MAPK14: variants seen among roughly 807,000 people sequenced by gnomAD.
The protein encoded by MAPK14 is mitogen-activated protein kinase 14.
A neutral mutation model predicts 49.6 loss-of-function variants in MAPK14; 16 were observed. The ratio of observed to expected loss-of-function variants is 0.32; its 90% confidence interval spans 0.22 to 0.49. The LOEUF (loss-of-function observed/expected upper bound fraction) is 0.49. MAPK14 is among the 20% of genes least tolerant of loss of function. MAPK14 has a pLI of 0.99. For synonymous variants in MAPK14, 142 were observed against 158.0 expected, an observed-to-expected ratio of 0.90 and a Z score of 0.76; for missense variants, 200 against 441.2, an observed-to-expected ratio of 0.45 and a Z score of 4.90.
intron 1 of MAPK14, among the ~76,000 whole-genome samples, chr6:36,041,949 G>A (rs1364770386): frequency 6.6e-6 from 1 of 152,144 alleles, no homozygotes; most frequent in Non-Finnish European, 1.5e-5. Context: ...AGTTATAGTG[G>A]TCAGTATGGT....
intron 3 of MAPK14, among the ~76,000 whole-genome samples, chr6:36,060,359 A>T (rs552472653): frequency 6.6e-6 from 1 of 152,194 alleles, no homozygotes; most frequent in African/African-American, 2.4e-5. Flanking sequence ...TCTCTACTAT[A>T]GTAGCTTTTC....
rs1765869918 is a variant in MAPK14 at position 36,108,561 on chromosome 6, G to A, written c.*114G>A. On this transcript the variant is annotated 3_prime_UTR_variant, in exon 12 of 12. Transcript: ENST00000229794. ...TGTTGCAGAGATTTCCTCCATGGTG[G>A]AAGGGGGTGTGCGTGCGTGTGCGTG... is the stretch of plus-strand genomic sequence containing the variant. The A allele has an allele frequency of 4.6e-6, 4 of 870,936 alleles. No individual in the cohort carries two copies. Among genetic ancestry groups the A allele is most frequent in the Non-Finnish European group, 7.7e-6 (4 of 517,524 alleles). The allele number at this position is 870,936 out of a possible 1,614,324, so 54.0% of individuals were successfully genotyped here.
At chr6:36,048,921 G>A (rs1032967048) in intron 1 of MAPK14, among the ~76,000 whole-genome samples, 1 of 152,116 alleles carries the variant, frequency 6.6e-6, no homozygotes, top group African/African-American at 2.4e-5. Context: ...AGAGAATGTG[G>A]GAGAGAGAAG....
chr6:36,039,900 G>A (rs112692731), intron 1 of MAPK14, among the ~76,000 whole-genome samples: 4 of 151,224 alleles, frequency 2.6e-5, no homozygotes, highest in Non-Finnish European at 4.4e-5. Flanking sequence ...GGAGGCTGAG[G>A]CACAAGAATC....
chr6:36,094,741 G>A (rs1357112036), intron 8 of MAPK14, among the ~76,000 whole-genome samples: 3 of 152,188 alleles, frequency 2.0e-5, no homozygotes, highest in Non-Finnish European at 2.9e-5. Context: ...GAGGCAGAGT[G>A]GCCCCTGTCC....
intron 6 of MAPK14, among the ~76,000 whole-genome samples, chr6:36,074,745 A>G (rs1248350033): frequency 6.6e-6 from 1 of 151,794 alleles, no homozygotes; most frequent in Non-Finnish European, 1.5e-5. Flanking sequence ...CCTCCCGAGT[A>G]GCTGGGACTA....
intron 8 of MAPK14, among the ~76,000 whole-genome samples, chr6:36,092,829 A>C (rs905800257): frequency 6.6e-6 from 1 of 152,172 alleles, no homozygotes; most frequent in Non-Finnish European, 1.5e-5. Context: ...CATCTTTTCA[A>C]GTCAACTAGT....
In MAPK14 at chr6:36,052,737, T is replaced by C; in HGVS notation, c.155T>C (p.Val52Ala). 1 of 1,612,582 alleles carries C rather than the reference T, an allele frequency of 6.2e-7. No homozygotes were observed. The highest frequency in any genetic ancestry group is 8.5e-7 in the Non-Finnish European group (1 of 1,179,346). The change falls in exon 2 of 12, where the codon GTG becomes GCG. Residue 52 changes from valine (V) to alanine (A), a missense_variant. Physicochemically the swap from Val to Ala is moderately conservative, Grantham distance 64. Transcript: ENST00000229794. ...ACAAAAACGGGGTTACGTGTGGCAG[T>C]GAAGAAGCTCTCCAGACCATTTCAG... ...FDTKTGLRVA[V>A]KKLSRPFQSI... is the part of the protein sequence containing the mutation.
chr6:36,099,408 T>G (rs188657202), intron 9 of MAPK14, among the ~76,000 whole-genome samples: 31 of 152,344 alleles, frequency 2.0e-4, no homozygotes, highest in Admixed American at 1.9e-3. Flanking sequence ...GAAAATCTCA[T>G]AGTTCTGCCC....
intron 11 of MAPK14, 72 bp from the exon 12 acceptor site, chr6:36,108,308 G>C (rs1032620294): frequency 8.9e-7 from 1 of 1,126,518 alleles, no homozygotes; most frequent in Non-Finnish European, 1.4e-6. Flanking sequence ...CTTGAGCTTA[G>C]AAGTCAGAGT....
chr6:36,100,502 G>T (rs1173028668), intron 9 of MAPK14, among the ~76,000 whole-genome samples: 1 of 152,196 alleles, frequency 6.6e-6, no homozygotes, highest in African/African-American at 2.4e-5. Flanking sequence ...ATATTTGGTT[G>T]TGTGAATTTA....
chr6:36,098,108 TAAAAA>T (rs1343201519), intron 9 of MAPK14: 1 of 151,494 alleles, frequency 6.6e-6, no homozygotes, highest in Non-Finnish European at 1.5e-5. Flanking sequence ...TTTTAAAAAT[TAAAAA>T]AAGAAAAAAG....
intron 10 of MAPK14, among the ~76,000 whole-genome samples, chr6:36,104,394 C>T (rs1202450957): frequency 6.6e-6 from 1 of 151,882 alleles, no homozygotes; most frequent in African/African-American, 2.4e-5. Context: ...TTCTTTCTTT[C>T]CTTTTTTTTT....
At chr6:36,034,539 T>G (rs1189618827) in intron 1 of MAPK14, among the ~76,000 whole-genome samples, 1 of 152,240 alleles carries the variant, frequency 6.6e-6, no homozygotes, top group Non-Finnish European at 1.5e-5. Flanking sequence ...CAGAAAAGCC[T>G]CATTATAAAG....
intron 1 of MAPK14, among the ~76,000 whole-genome samples, chr6:36,047,402 G>GA (rs1238087056): frequency 1.3e-5 from 2 of 152,198 alleles, no homozygotes; most frequent in African/African-American, 2.4e-5. Flanking sequence ...GAGAGAGAGG[G>GA]AAAGAGTAGC....
At chr6:36,029,907 A>G (rs533569129) in intron 1 of MAPK14, among the ~76,000 whole-genome samples, 365 of 151,654 alleles carry the variant, frequency 2.4e-3, no homozygotes, top group African/African-American at 8.0e-3. Context: ...AGGTATATAC[A>G]TTCAGTATAT....
rs181012526 is a variant in MAPK14 at position 36,095,422 on chromosome 6, G to A, written c.683-565G>A. Among the ~76,000 whole-genome samples the A allele has an allele frequency of 5.9e-5, 9 of 152,334 alleles. No homozygotes were observed. In the East Asian group the frequency reaches 1.7e-3, roughly 29 times the overall value. Reference sequence around the variant, plus strand: ...GTGAGAGGCGAGGCTTCCCTTTCCAGAGGGTGTGCTCCAGTGGTCAGGCTT... The same window carrying A: ...GTGAGAGGCGAGGCTTCCCTTTCCAAAGGGTGTGCTCCAGTGGTCAGGCTT... On this transcript the variant is annotated intron_variant, in intron 8 of 11. Coordinates refer to ENST00000229794, the MANE Select transcript of MAPK14 (RefSeq NM_139012.3).
intron 10 of MAPK14, among the ~76,000 whole-genome samples, chr6:36,104,688 G>A (rs753280954): frequency 2.6e-5 from 4 of 152,102 alleles, no homozygotes; most frequent in African/African-American, 4.8e-5. Flanking sequence ...CACCCAGCCC[G>A]TCGTGTTCTT....
chr6:36,031,973 G>A (rs1231467354), intron 1 of MAPK14, among the ~76,000 whole-genome samples: 1 of 151,768 alleles, frequency 6.6e-6, no homozygotes, highest in East Asian at 1.9e-4. Flanking sequence ...GTAGAGATAG[G>A]GTCTTACTGT....
Sources: allele counts gnomAD v4.1 joint callset (sites outside exome capture counted in the v4.1 genomes callset), GRCh38; gene constraint gnomAD v4.1.1; transcripts MANE v1.5; gene names NCBI Gene and HGNC (gene_info 2026-07-23, HGNC 2026-07-21).